The following JAKMIP1 variants were observed in gnomAD, a reference collection of about 807,000 sequenced individuals.
JAKMIP1 encodes janus kinase and microtubule interacting protein 1, also known as janus kinase and microtubule-interacting protein 1.
Under a neutral mutation model 113.0 loss-of-function variants are expected in JAKMIP1, and 33 were observed. That is an observed-to-expected ratio of 0.29 (90% CI 0.22 to 0.39). The LOEUF (loss-of-function observed/expected upper bound fraction) is 0.39, where lower values mean the gene tolerates loss of function less well. Ranked by LOEUF, JAKMIP1 falls within the 10% of genes least tolerant of loss-of-function variation. JAKMIP1 has a pLI of 1.00. For missense variants in JAKMIP1, 813 were observed against 1,080.5 expected (o/e 0.75, Z 3.47); for synonymous variants, 480 against 459.9 (o/e 1.04, Z -0.56).
chr4:6,099,842 G>C (rs1712705848), intron 3 of JAKMIP1, among the ~76,000 whole-genome samples: 1 of 152,128 alleles, frequency 6.6e-6, no homozygotes, highest in Non-Finnish European at 1.5e-5. Flanking sequence ...TGCTTGATGA[G>C]AAATTCTGAG....
At chr4:6,085,000 G>GAAAA in intron 4 of JAKMIP1, 35 bp from the exon 5 acceptor site, 1 of 1,063,046 alleles carries the variant, frequency 9.4e-7, no homozygotes, top group Non-Finnish European at 1.2e-6. Context: ...AAAAAGTCAA[G>GAAAA]ACGTAAATGT....
chr4:6,133,683 CAAT>C (rs1281318992), intron 1 of JAKMIP1, among the ~76,000 whole-genome samples: 7 of 152,206 alleles, frequency 4.6e-5, no homozygotes, highest in African/African-American at 7.2e-5. Context: ...TTCCCAACAA[CAAT>C]GTGTCCTCCT....
chr4:6,105,461 G>C lies in JAKMIP1; in HGVS notation c.624+12C>G. ...CCGCGTGCCCGCGGGCGGGGGAGGG[G>C]GCGGCACGTACCAGCCTGCGGATGT... is the stretch of plus-strand genomic sequence containing the variant. On this transcript the variant is annotated intron_variant, in intron 3 of 20. Coordinates refer to ENST00000409021, the MANE Select transcript of JAKMIP1 (RefSeq NM_001099433.2). The C allele has an allele frequency of 1.4e-5, 22 of 1,580,448 alleles. No individual in the cohort carries two copies. Among genetic ancestry groups the C allele is most frequent in the Non-Finnish European group, 1.9e-5 (22 of 1,165,260 alleles).
At chr4:6,146,385 C>T (rs768870404) in intron 1 of JAKMIP1, among the ~76,000 whole-genome samples, 9 of 152,172 alleles carry the variant, frequency 5.9e-5, no homozygotes, top group South Asian at 4.1e-4. Context: ...CTTGACCTCT[C>T]GGGCTCATGT....
intron 1 of JAKMIP1, among the ~76,000 whole-genome samples, chr4:6,133,753 C>G (rs1175648255): frequency 6.6e-6 from 1 of 152,234 alleles, no homozygotes; most frequent in East Asian, 1.9e-4. Flanking sequence ...ATCTGCCACA[C>G]AGTTCCTGAC....
chr4:6,054,678 G>A, intron 12 of JAKMIP1: 4 of 454,596 alleles, frequency 8.8e-6, no homozygotes, highest in Middle Eastern at 4.5e-4. Context: ...AGTGTGGGAA[G>A]TGACACCGCC....
At chr4:6,035,081 G>A (rs900570961) in intron 19 of JAKMIP1, among the ~76,000 whole-genome samples, 6 of 152,236 alleles carry the variant, frequency 3.9e-5, no homozygotes, top group Middle Eastern at 6.8e-3. Flanking sequence ...CTACAGTTGC[G>A]TGAGGCAGTT....
At position 6,185,565 on chromosome 4, in the gene JAKMIP1, G is replaced by A. The variant is rs1009118293; in HGVS notation, c.-148+14688C>T. Reference sequence around the variant, plus strand: ...TGGGAGGCTGAGGCAGGAGAATGGCGTGAACCTGGGAGGCGGAGCTTGCAG... The same window carrying A: ...TGGGAGGCTGAGGCAGGAGAATGGCATGAACCTGGGAGGCGGAGCTTGCAG... On this transcript the variant is annotated intron_variant, in intron 1 of 20. Coordinates refer to ENST00000409021, the MANE Select transcript of JAKMIP1 (RefSeq NM_001099433.2). This position sits in a 1 kb window ranked among gnomAD's most constrained non-coding sequence, Gnocchi z 5.3. Among the ~76,000 whole-genome samples, 5 of 152,118 alleles carry A rather than the reference G, an allele frequency of 3.3e-5. No individual in the cohort carries two copies. The highest frequency in any genetic ancestry group is 5.9e-5 in the Non-Finnish European group (4 of 68,018).
chr4:6,117,730 G>T (rs897704621), intron 1 of JAKMIP1, among the ~76,000 whole-genome samples: 5 of 152,012 alleles, frequency 3.3e-5, no homozygotes, highest in East Asian at 1.9e-4. Context: ...ACGCCCCGGG[G>T]GGCCAGTTCA....
chr4:6,102,913 T>C (rs983949424), intron 3 of JAKMIP1, among the ~76,000 whole-genome samples: 3 of 151,790 alleles, frequency 2.0e-5, no homozygotes, highest in Non-Finnish European at 4.4e-5. Flanking sequence ...TTTTGTATTT[T>C]TAGTAGAGAT....
chr4:6,164,438 A>C (rs1723348840), intron 1 of JAKMIP1, among the ~76,000 whole-genome samples: 1 of 151,562 alleles, frequency 6.6e-6, no homozygotes, highest in Admixed American at 6.6e-5. Flanking sequence ...GCTCTGATGG[A>C]GATGTAGAGG....
At chr4:6,191,923 T>TTATTTATTTATTTATTTATG (rs1432263687) in intron 1 of JAKMIP1, among the ~76,000 whole-genome samples, 1 of 149,504 alleles carries the variant, frequency 6.7e-6, no homozygotes, top group East Asian at 2.0e-4. Flanking sequence ...TTTTATTTAT[T>TTATTTATTTATTTATTTATG]TATTTATTTA....
Position 6,089,559 on chromosome 4 carries a change from C to A in JAKMIP1, c.625-3930G>T, listed in dbSNP as rs1232789454. 6.6e-6 allele frequency among the ~76,000 whole-genome samples: 1 copy of A among 152,180 alleles called. No individual in the cohort carries two copies. The highest frequency in any genetic ancestry group is 1.5e-5 in the Non-Finnish European group (1 of 68,032). The stretch of plus-strand genomic sequence containing the variant: ...ACTCTAGTTAGCAGCAGAACCATGA[C>A]TCAAGTGCAGATTGTACTCTCCAAG... On this transcript the variant is annotated intron_variant, in intron 3 of 20. Transcript: ENST00000409021. The surrounding 1 kb of genome is among the most constrained non-coding windows in gnomAD (Gnocchi z 5.3).
At chr4:6,083,826 G>C (rs369193415) in intron 5 of JAKMIP1, among the ~76,000 whole-genome samples, 2 of 151,918 alleles carry the variant, frequency 1.3e-5, no homozygotes, top group African/African-American at 4.8e-5. Flanking sequence ...ATAAAAATTA[G>C]TTTTGCTGTT....
chr4:6,174,389 C>A (rs1725092725), intron 1 of JAKMIP1, among the ~76,000 whole-genome samples: 1 of 152,224 alleles, frequency 6.6e-6, no homozygotes, highest in African/African-American at 2.4e-5. Flanking sequence ...GGGAGGGCTG[C>A]TGGGAGGGTC....
At position 6,141,779 on chromosome 4, in the gene JAKMIP1, TC is replaced by T. The variant is rs1720188500; in HGVS notation, c.-147-28783del. On this transcript the variant is annotated intron_variant, in intron 1 of 20. Transcript: ENST00000409021. This position sits in a 1 kb window ranked among gnomAD's most constrained non-coding sequence, Gnocchi z 9.4. Reference sequence around the variant, plus strand: ...GATGCCGAGGATGCTGACTGTCCACTCTTCGGCAACCTCCCTGGCCACTGAG... The same window carrying T: ...GATGCCGAGGATGCTGACTGTCCACTTTCGGCAACCTCCCTGGCCACTGAG... Among the ~76,000 whole-genome samples the T allele has an allele frequency of 6.6e-6, 1 of 152,168 alleles. No homozygotes were observed. Among genetic ancestry groups the T allele is most frequent in the Non-Finnish European group, 1.5e-5 (1 of 68,024 alleles).
rs1181821356 is a variant in JAKMIP1, at chr4:6,184,845, A to G, written c.-148+15408T>C. Among the ~76,000 whole-genome samples the G allele has an allele frequency of 6.6e-6, 1 of 152,230 alleles. No homozygotes were observed. The highest frequency in any genetic ancestry group is 1.5e-5 in the Non-Finnish European group (1 of 68,056). ...AGGAGATTCACATTTCAGTCAGTGG[A>G]CTGGGAGAGGCAGACCTGCCCTCGG... On this transcript the variant is annotated intron_variant, in intron 1 of 20. Transcript: ENST00000409021. The surrounding 1 kb of genome is among the most constrained non-coding windows in gnomAD (Gnocchi z 4.5).
intron 3 of JAKMIP1, among the ~76,000 whole-genome samples, chr4:6,103,382 C>T (rs187954438): frequency 2.1e-3 from 327 of 152,252 alleles, no homozygotes; most frequent in Middle Eastern, 0.01. Flanking sequence ...ACTTATTAGC[C>T]TTCCTATGTA....
At chr4:6,100,619 G>C (rs78004252) in intron 3 of JAKMIP1, among the ~76,000 whole-genome samples, 5,394 of 152,196 alleles carry the variant, frequency 0.035, 272 homozygotes, top group African/African-American at 0.12. Context: ...GAGTCCGTAG[G>C]TGTCCTTTTT....
Sources: gnomAD v4.1 joint callset for allele counts (sites outside exome capture counted in the v4.1 genomes callset) on GRCh38, gnomAD v4.1.1 for gene constraint, Gnocchi (gnomAD v3.1) non-coding constraint, MANE v1.5 for transcripts, NCBI Gene and HGNC (gene_info 2026-07-23, HGNC 2026-07-21) for gene names.